Variants in RARB observed in about 807,000 individuals in gnomAD.
The protein encoded by RARB is HBV-activated protein.
RARB carries 17 observed loss-of-function variants against 51.9 expected under a neutral mutation model. The ratio of observed to expected loss-of-function variants is 0.33; its 90% CI spans 0.22 to 0.49. The LOEUF is 0.49. RARB is among the 20% of genes least tolerant of loss of function. The pLI is 0.99. For synonymous variants in RARB, 215 were observed against 195.4 expected (o/e 1.10, Z -0.84); for missense variants, 369 against 550.8 (o/e 0.67, Z 3.30).
At chr3:25,192,735 C>A (rs1012436704) in intron 5 of RARB, among the ~76,000 whole-genome samples, 1 of 152,042 alleles carries the variant, frequency 6.6e-6, no homozygotes, top group African/African-American at 2.4e-5. Flanking sequence ...CACACAGACA[C>A]ACACACGACA....
chr3:25,087,965 C>A (rs532071470), intron 3 of RARB, among the ~76,000 whole-genome samples: 3 of 151,856 alleles, frequency 2.0e-5, no homozygotes, highest in East Asian at 1.9e-4. Flanking sequence ...AAATTAAATT[C>A]TCCTAAGTAT....
chr3:24,859,418 G>A (rs1418546321), intron 2 of RARB, among the ~76,000 whole-genome samples: 1 of 152,188 alleles, frequency 6.6e-6, no homozygotes, highest in Non-Finnish European at 1.5e-5. Context: ...GTAACAAATA[G>A]TTAAGCATTA....
chr3:24,967,054 T>G (rs1195494367), intron 2 of RARB, among the ~76,000 whole-genome samples: 1 of 152,138 alleles, frequency 6.6e-6, no homozygotes, highest in African/African-American at 2.4e-5. Context: ...ATTTACTGAT[T>G]TGAATTAGAT....
chr3:25,190,064 TG>T (rs918943696), intron 5 of RARB, among the ~76,000 whole-genome samples: 17 of 152,062 alleles, frequency 1.1e-4, no homozygotes, highest in African/African-American at 4.1e-4. Context: ...TTCCTCAGTT[TG>T]GGTCAATTTA....
At position 25,435,903 on chromosome 3, in the gene RARB, A is replaced by G. The variant is rs748148446; in HGVS notation, c.157+7015A>G. Among the ~76,000 whole-genome samples the G allele has an allele frequency of 5.9e-5, 9 of 152,318 alleles. No homozygotes were observed. The South Asian group carries it at 1.0e-3, about 18-fold the overall frequency. On this transcript the variant is annotated intron_variant, in intron 1 of 7. Coordinates refer to ENST00000330688, the MANE Select transcript of RARB (RefSeq NM_000965.5). ...ATTACAGTAGTCGTGCCATGGAGCT[A>G]CTAAAATACCGTTGTTGCCATTTTA... is the stretch of plus-strand genomic sequence containing the variant.
At chr3:25,394,608 T>C (rs1171408090) in intron 5 of RARB, among the ~76,000 whole-genome samples, 1 of 152,182 alleles carries the variant, frequency 6.6e-6, no homozygotes, top group Non-Finnish European at 1.5e-5. Context: ...ATATTTAGGA[T>C]TGTGATATTT....
At chr3:25,481,396 T>C (rs1360512217) in intron 2 of RARB, among the ~76,000 whole-genome samples, 1 of 152,196 alleles carries the variant, frequency 6.6e-6, no homozygotes, top group African/African-American at 2.4e-5. Flanking sequence ...AAGAATTATG[T>C]TTTTTGAATT....
chr3:24,912,126 T>G (rs547896016), intron 2 of RARB, among the ~76,000 whole-genome samples: 4 of 152,174 alleles, frequency 2.6e-5, no homozygotes, highest in Non-Finnish European at 5.9e-5. Flanking sequence ...GCTTAAATAT[T>G]CCTGCAGATA....
intron 3 of RARB, among the ~76,000 whole-genome samples, chr3:25,125,845 A>G (rs1699851907): frequency 6.6e-6 from 1 of 152,172 alleles, no homozygotes; most frequent in South Asian, 2.1e-4. Flanking sequence ...CAATACAGTG[A>G]TATCAGCACC....
intron 2 of RARB, among the ~76,000 whole-genome samples, chr3:25,056,412 C>A (rs1698443640): frequency 6.6e-6 from 1 of 152,102 alleles, no homozygotes; most frequent in Non-Finnish European, 1.5e-5. Context: ...GCCCAGTAGC[C>A]TATCAGTTTG....
At chr3:25,348,217 C>A (rs931139853) in intron 5 of RARB, among the ~76,000 whole-genome samples, 1 of 152,126 alleles carries the variant, frequency 6.6e-6, no homozygotes, top group African/African-American at 2.4e-5. Context: ...TCAGTTTCCT[C>A]ATAAGCCTCA....
chr3:25,571,753 C>A (rs1476710139), intron 4 of RARB, among the ~76,000 whole-genome samples: 2 of 152,166 alleles, frequency 1.3e-5, no homozygotes, highest in African/African-American at 4.8e-5. Flanking sequence ...CTCAGTTTTC[C>A]CATCTCTAAA....
intron 5 of RARB, among the ~76,000 whole-genome samples, chr3:25,235,294 C>T (rs1164690848): frequency 6.6e-6 from 1 of 152,100 alleles, no homozygotes; most frequent in Non-Finnish European, 1.5e-5. Flanking sequence ...GGATTTACCC[C>T]ATCTTGATCA....
chr3:25,488,397 T>A (rs1696568896), intron 2 of RARB, among the ~76,000 whole-genome samples: 1 of 152,220 alleles, frequency 6.6e-6, no homozygotes. Context: ...GAGACTGAAG[T>A]GCTTTTGGAT....
intron 5 of RARB, among the ~76,000 whole-genome samples, chr3:25,419,598 T>C (rs1707802799): frequency 6.6e-6 from 1 of 152,118 alleles, no homozygotes; most frequent in African/African-American, 2.4e-5. Flanking sequence ...AGTCTGACAG[T>C]GTAGTGTGCA....
chr3:25,357,650 A>G (rs1468957516), intron 5 of RARB, among the ~76,000 whole-genome samples: 1 of 152,182 alleles, frequency 6.6e-6, no homozygotes, highest in Non-Finnish European at 1.5e-5. Context: ...TTTAGGTCTT[A>G]CATTTAAATC....
At chr3:24,941,572 GT>G (rs969754173) in intron 2 of RARB, among the ~76,000 whole-genome samples, 1 of 152,046 alleles carries the variant, frequency 6.6e-6, no homozygotes, top group African/African-American at 2.4e-5. Context: ...GTTTCCCCAC[GT>G]TGGCCAGGTT....
Position 24,948,614 on chromosome 3 carries a change from G to A in RARB, c.-380+89862G>A, listed in dbSNP as rs1695824238. 2.6e-5 allele frequency among the ~76,000 whole-genome samples: 4 copies of A among 152,322 alleles called. No homozygotes were observed. The South Asian group carries it at 8.3e-4, about 32-fold the overall frequency. ...TACCTATTCCCCATGGAGAAGCTCT[G>A]TCTTAGTGGTTTGGATGTTTGTCCC... On this transcript the variant is annotated intron_variant, in intron 2 of 11. Transcript: ENST00000383772.
chr3:25,100,794 A>T (rs1699385342), intron 3 of RARB, among the ~76,000 whole-genome samples: 1 of 152,192 alleles, frequency 6.6e-6, no homozygotes, highest in Admixed American at 6.5e-5. Context: ...GACAACACAC[A>T]GGGTTATATA....
Sources: allele counts gnomAD v4.1 joint callset (sites outside exome capture counted in the v4.1 genomes callset), GRCh38; gene constraint gnomAD v4.1.1; transcripts MANE v1.5; gene names NCBI Gene and HGNC (gene_info 2026-07-23, HGNC 2026-07-21).